The following TMEM232 variants were observed in gnomAD, a reference collection of about 807,000 sequenced individuals.
The protein encoded by TMEM232 is transmembrane protein 232.
A neutral mutation model predicts 78.8 loss-of-function variants in TMEM232; 80 were observed. That is an observed-to-expected ratio of 1.01 (90% CI 0.85 to 1.22). The LOEUF (loss-of-function observed/expected upper bound fraction) is 1.22, where lower values mean the gene tolerates loss of function less well. Among genes scored for constraint, TMEM232 ranks in the 50% most tolerant of loss-of-function variants. TMEM232 has a pLI of 0.00. For missense variants in TMEM232, 881 were observed against 742.2 expected (o/e 1.19, Z -2.17); for synonymous variants, 297 against 254.3 (o/e 1.17, Z -1.60).
At chr5:110,604,813 C>T (rs148147230) in intron 10 of TMEM232, among the ~76,000 whole-genome samples, 3,756 of 152,064 alleles carry the variant, frequency 0.025, 151 homozygotes, top group African/African-American at 0.086. Flanking sequence ...CAAAACTTAG[C>T]CAGGCATGGT....
intron 8 of TMEM232, among the ~76,000 whole-genome samples, chr5:110,612,366 A>C (rs1273685898): frequency 6.6e-6 from 1 of 152,180 alleles, no homozygotes; most frequent in African/African-American, 2.4e-5. Flanking sequence ...GGATCAAAGG[A>C]TCAATAAGAA....
At chr5:110,712,100 A>C (rs248865) in intron 1 of TMEM232, among the ~76,000 whole-genome samples, 128,493 of 131,762 alleles carry the variant, frequency 0.98, 62,662 homozygotes, top group Middle Eastern at 1. Context: ...AGCGAGACTC[A>C]ATCTCAAAAA....
chr5:110,598,983 C>G (rs1780541985), intron 10 of TMEM232, among the ~76,000 whole-genome samples: 1 of 151,472 alleles, frequency 6.6e-6, no homozygotes, highest in African/African-American at 2.4e-5. Context: ...GCACATTGTG[C>G]ACATGTACCC....
chr5:110,718,565 T>C (rs1223743006), intron 1 of TMEM232, among the ~76,000 whole-genome samples: 1 of 152,126 alleles, frequency 6.6e-6, no homozygotes. Context: ...ATGAAACGTC[T>C]GAGAGTGGAT....
At chr5:110,404,828 ATACGAGTGGGT>A in intron 2 of TMEM232, among the ~76,000 whole-genome samples, 1 of 152,066 alleles carries the variant, frequency 6.6e-6, no homozygotes, top group East Asian at 1.9e-4. Context: ...CCTGGTCTGG[ATACGAGTGGGT>A]GGAGGTGTAG....
At chr5:110,691,143 AG>A (rs1287431914) in intron 1 of TMEM232, among the ~76,000 whole-genome samples, 1 of 31,198 alleles carries the variant, frequency 3.2e-5, no homozygotes, top group African/African-American at 7.8e-5. Context: ...TTAAAGTATA[AG>A]GAAAAAAAAA....
chr5:110,515,061 C>A (rs1321794080), intron 12 of TMEM232, among the ~76,000 whole-genome samples: 1 of 152,154 alleles, frequency 6.6e-6, no homozygotes, highest in Non-Finnish European at 1.5e-5. Context: ...AGTCAGAATG[C>A]CTTTGTTTAA....
At chr5:110,445,172 C>T (rs1020183295) in intron 12 of TMEM232, among the ~76,000 whole-genome samples, 1 of 151,376 alleles carries the variant, frequency 6.6e-6, no homozygotes. Flanking sequence ...TTTCTGATTG[C>T]CTTCTACATT....
intron 1 of TMEM232, among the ~76,000 whole-genome samples, chr5:110,692,441 C>A (rs552071663): frequency 2.0e-5 from 3 of 152,130 alleles, no homozygotes; most frequent in African/African-American, 7.2e-5. Context: ...TGGGGAGTGC[C>A]GGACAGTGGG....
chr5:110,520,407 C>A (rs925902947), intron 12 of TMEM232, among the ~76,000 whole-genome samples: 1 of 151,902 alleles, frequency 6.6e-6, no homozygotes, highest in Non-Finnish European at 1.5e-5. Flanking sequence ...AAAAAGAAAA[C>A]TTCCAAAGAA....
rs10428691 is a variant in TMEM232 at position 110,427,234 on chromosome 5, T to C, written c.1704-2318A>G. On this transcript the variant is annotated intron_variant, in intron 12 of 13. Coordinates refer to ENST00000455884, the MANE Select transcript of TMEM232 (RefSeq NM_001039763.4). The stretch of plus-strand genomic sequence containing the variant: ...TACTTAGTGTTATTTAATCCCTCTG[T>C]TCTTCAGTTTCTTCATCCGTAATAC... Among the ~76,000 whole-genome samples the C allele has an allele frequency of 2.9e-3, 436 of 152,102 alleles. 5 individuals are homozygous for C. The highest frequency in any genetic ancestry group is 0.027 in the Middle Eastern group (8 of 294).
intron 12 of TMEM232, among the ~76,000 whole-genome samples, chr5:110,522,387 CG>C: frequency 6.6e-6 from 1 of 152,074 alleles, no homozygotes; most frequent in East Asian, 1.9e-4. Context: ...TTACTTCTTA[CG>C]TTCTGATATG....
At chr5:110,586,593 C>A (rs1453027761) in intron 10 of TMEM232, among the ~76,000 whole-genome samples, 1 of 148,054 alleles carries the variant, frequency 6.8e-6, no homozygotes, top group Non-Finnish European at 1.5e-5. Context: ...CACACACACA[C>A]AATTACACAT....
intron 10 of TMEM232, among the ~76,000 whole-genome samples, chr5:110,603,881 T>G (rs1781244659): frequency 6.6e-6 from 1 of 152,258 alleles, no homozygotes; most frequent in Non-Finnish European, 1.5e-5. Context: ...GAGAATGAAA[T>G]GTGTATCTAT....
downstream of TMEM232, among the ~76,000 whole-genome samples, chr5:110,415,806 A>C (rs1756184494): frequency 6.6e-6 from 1 of 152,162 alleles, no homozygotes; most frequent in African/African-American, 2.4e-5. Context: ...TGTATTAAAA[A>C]GCTGCACTGG....
At chr5:110,525,129 T>C (rs1484847090) in intron 12 of TMEM232, among the ~76,000 whole-genome samples, 1 of 151,626 alleles carries the variant, frequency 6.6e-6, no homozygotes, top group Non-Finnish European at 1.5e-5. Context: ...AGCATCATGA[T>C]TAACTGGAAA....
At chr5:110,598,023 T>G (rs1249211907) in intron 10 of TMEM232, among the ~76,000 whole-genome samples, 7 of 152,176 alleles carry the variant, frequency 4.6e-5, no homozygotes, top group South Asian at 4.1e-4. Context: ...GGGATCTAAT[T>G]AAACTAAAGA....
At chr5:110,618,197 A>T (rs1783179719) in intron 8 of TMEM232, among the ~76,000 whole-genome samples, 1 of 152,192 alleles carries the variant, frequency 6.6e-6, no homozygotes, top group Non-Finnish European at 1.5e-5. Flanking sequence ...ATAAAAAAAA[A>T]ACTATGCAGT....
Position 110,622,856 on chromosome 5 carries a change from G to A in TMEM232, c.768+2411C>T, listed in dbSNP as rs141514466. ...GGGGAATGTTGTGGGGTGTGGGGAG[G>A]GGGGAGGGATAGCATTGGGAGATAT... On this transcript the variant is annotated intron_variant, in intron 7 of 13. Coordinates refer to ENST00000455884, the MANE Select transcript of TMEM232 (RefSeq NM_001039763.4). Among the ~76,000 whole-genome samples the A allele has an allele frequency of 5.8e-3, 869 of 150,130 alleles. 6 individuals carry two copies. The highest frequency in any genetic ancestry group is 0.02 in the African/African-American group (811 of 40,772).
Sources: allele counts gnomAD v4.1 joint callset (sites outside exome capture counted in the v4.1 genomes callset), GRCh38; gene constraint gnomAD v4.1.1; transcripts MANE v1.5; gene names NCBI Gene and HGNC (gene_info 2026-07-23, HGNC 2026-07-21).